The following EHBP1 variants were observed in gnomAD, a reference collection of about 807,000 sequenced individuals.
EHBP1 encodes the protein EH domain-binding protein 1.
Under a neutral mutation model 144.0 loss-of-function variants are expected in EHBP1, and 55 were observed. The observed-to-expected ratio is 0.38, with a 90% CI of 0.31 to 0.48. EHBP1 has a LOEUF of 0.48. EHBP1 is among the 20% of genes least tolerant of loss of function. The pLI, the probability that EHBP1 is intolerant of heterozygous loss-of-function variation, is 0.98. For synonymous variants in EHBP1, 469 were observed against 472.7 expected, an observed-to-expected ratio of 0.99 and a Z score of 0.10; for missense variants, 1,200 against 1,364.2, an observed-to-expected ratio of 0.88 and a Z score of 1.90.
chr2:62,798,211 T>C (rs893379585), intron 5 of EHBP1, among the ~76,000 whole-genome samples: 4 of 151,924 alleles, frequency 2.6e-5, no homozygotes, highest in Admixed American at 2.0e-4. Flanking sequence ...CTACTAAAAA[T>C]ACAAAAATTA....
At chr2:62,828,492 G>GT (rs997276081) in intron 6 of EHBP1, among the ~76,000 whole-genome samples, 6 of 151,998 alleles carry the variant, frequency 3.9e-5, no homozygotes, top group South Asian at 2.1e-4. Flanking sequence ...ATCCAAGGTA[G>GT]TTTTTTTTAT....
At chr2:62,888,937 A>G (rs1355582121) in intron 10 of EHBP1, among the ~76,000 whole-genome samples, 1 of 151,926 alleles carries the variant, frequency 6.6e-6, no homozygotes, top group Non-Finnish European at 1.5e-5. Context: ...CAAGAGAGAC[A>G]ATTATGGTGC....
chr2:62,734,320 T>C (rs1391836094), intron 2 of EHBP1, among the ~76,000 whole-genome samples: 5 of 151,792 alleles, frequency 3.3e-5, no homozygotes, highest in Non-Finnish European at 7.4e-5. Context: ...TATGGTTTCC[T>C]TTTTTAAAAA....
intron 1 of EHBP1, among the ~76,000 whole-genome samples, chr2:62,683,658 CA>C (rs397936534): frequency 0.11 from 5,690 of 49,942 alleles, 60 homozygotes; most frequent in South Asian, 0.15. Context: ...GACTCCATCT[CA>C]AAAAAAAAAA....
At chr2:62,789,304 TA>T (rs924104997) in intron 5 of EHBP1, among the ~76,000 whole-genome samples, 4 of 152,224 alleles carry the variant, frequency 2.6e-5, no homozygotes, top group Non-Finnish European at 4.4e-5. Context: ...CCTAACTTGG[TA>T]AAATATTACA....
chr2:62,987,116 T>C (rs1236701358), intron 15 of EHBP1, among the ~76,000 whole-genome samples: 2 of 152,140 alleles, frequency 1.3e-5, no homozygotes, highest in African/African-American at 4.8e-5. Flanking sequence ...GCAACTAAAA[T>C]TGCTGCTGTG....
At chr2:62,994,471 C>T (rs962952542) in intron 18 of EHBP1, among the ~76,000 whole-genome samples, 2 of 152,016 alleles carry the variant, frequency 1.3e-5, no homozygotes, top group African/African-American at 4.8e-5. Context: ...ACTTAATTAA[C>T]AGGGAGGTTC....
chr2:62,739,665 TTG>T (rs1221237280), intron 2 of EHBP1, among the ~76,000 whole-genome samples: 1 of 152,104 alleles, frequency 6.6e-6, no homozygotes, highest in African/African-American at 2.4e-5. Flanking sequence ...AAATTAGGCC[TTG>T]TGTGGTAGTG....
intron 19 of EHBP1, among the ~76,000 whole-genome samples, chr2:63,022,262 G>A (rs946182959): frequency 1.4e-4 from 22 of 151,886 alleles, no homozygotes; most frequent in African/African-American, 4.8e-4. Context: ...GACATTGCCA[G>A]TTCCTCCTCT....
intron 5 of EHBP1, among the ~76,000 whole-genome samples, chr2:62,800,044 C>T (rs557507820): frequency 7.9e-5 from 12 of 152,284 alleles, no homozygotes; most frequent in Admixed American, 5.9e-4. Flanking sequence ...TCTGGAACTT[C>T]GAAAAACTCA....
At chr2:62,822,764 G>C (rs1476058794) in intron 5 of EHBP1, among the ~76,000 whole-genome samples, 3 of 152,130 alleles carry the variant, frequency 2.0e-5, no homozygotes, top group Non-Finnish European at 2.9e-5. Context: ...CTGAAAGTGT[G>C]AAACTGAGGC....
chr2:62,694,555 C>A, intron 1 of EHBP1, among the ~76,000 whole-genome samples: 1 of 150,732 alleles, frequency 6.6e-6, no homozygotes. Flanking sequence ...ATGGAAACAA[C>A]TGTGGAGAAA....
chr2:62,859,767 A>ATG (rs2049357802), intron 8 of EHBP1, among the ~76,000 whole-genome samples: 1 of 152,206 alleles, frequency 6.6e-6, no homozygotes, highest in South Asian at 2.1e-4. Flanking sequence ...ATATATATAT[A>ATG]TACAGCATAC....
At position 62,764,248 on chromosome 2, in the gene EHBP1, T is replaced by C. The variant is rs1462717319; in HGVS notation, c.163-18T>C. On this transcript the variant is annotated intron_variant, in intron 3 of 22. Coordinates refer to ENST00000431489, the MANE Select transcript of EHBP1 (RefSeq NM_001142616.3). ...TTTCCCATACTTCATATTGAAGGTA[T>C]CATTTTTATTCTGGTAGGCACATAG... The C allele has an allele frequency of 1.3e-6, 2 of 1,524,432 alleles. No individual in the cohort carries two copies. Among genetic ancestry groups the C allele is most frequent in the Admixed American group, 2.3e-5 (1 of 43,766 alleles). The allele number at this position is 1,524,432 out of a possible 1,614,324, so 94.4% of individuals were successfully genotyped here.
chr2:62,831,752 T>C (rs558856532), intron 7 of EHBP1, among the ~76,000 whole-genome samples: 52 of 152,354 alleles, frequency 3.4e-4, no homozygotes, highest in African/African-American at 1.2e-3. Context: ...ACTTCTATTA[T>C]TGCTGTGAAA....
At chr2:62,857,936 A>G (rs1558803228) in intron 7 of EHBP1, among the ~76,000 whole-genome samples, 1 of 152,068 alleles carries the variant, frequency 6.6e-6, no homozygotes, top group Non-Finnish European at 1.5e-5. Context: ...AAAATGCAAC[A>G]TGAATACATA....
At chr2:62,987,005 G>A (rs999240750) in intron 15 of EHBP1, among the ~76,000 whole-genome samples, 7 of 152,056 alleles carry the variant, frequency 4.6e-5, no homozygotes, top group African/African-American at 1.7e-4. Context: ...TGAGTTGCAG[G>A]GTAGTAGGGG....
chr2:62,898,214 G>A (rs2053101972), intron 10 of EHBP1, among the ~76,000 whole-genome samples: 1 of 152,074 alleles, frequency 6.6e-6, no homozygotes, highest in African/African-American at 2.4e-5. Flanking sequence ...AATCATTCCA[G>A]CAAGACTTCC....
intron 8 of EHBP1, among the ~76,000 whole-genome samples, chr2:62,862,379 C>T (rs1204488781): frequency 2.0e-5 from 3 of 152,082 alleles, no homozygotes; most frequent in African/African-American, 4.8e-5. Flanking sequence ...GAGGCTGAGG[C>T]GGGCAGATCA....
Sources: allele counts gnomAD v4.1 joint callset (sites outside exome capture counted in the v4.1 genomes callset), GRCh38; gene constraint gnomAD v4.1.1; transcripts MANE v1.5; gene names NCBI Gene and HGNC (gene_info 2026-07-23, HGNC 2026-07-21).